The following SPOCK3 variants were observed in gnomAD, a reference collection of about 807,000 sequenced individuals.
SPOCK3 encodes testican-3.
In SPOCK3, 30 loss-of-function variants were observed where a neutral mutation model predicts 56.6. The observed-to-expected ratio is 0.53, with a 90% CI of 0.40 to 0.72. SPOCK3 has a LOEUF of 0.72. SPOCK3 is among the 30% of genes least tolerant of loss of function. The pLI, the probability that SPOCK3 is intolerant of heterozygous loss-of-function variation, is 0.00. For synonymous variants in SPOCK3, 196 were observed against 183.3 expected, an observed-to-expected ratio of 1.07 and a Z score of -0.56; for missense variants, 527 against 530.0, an observed-to-expected ratio of 0.99 and a Z score of 0.06.
intron 4 of SPOCK3, among the ~76,000 whole-genome samples, chr4:166,986,636 C>A (rs1168847390): frequency 6.6e-6 from 1 of 151,952 alleles, no homozygotes; most frequent in African/African-American, 2.4e-5. Flanking sequence ...GTGATCACTA[C>A]CACCAAGTGA....
rs553885765 is a variant in SPOCK3, at chr4:166,748,117, T to C, written c.932-6058A>G. On this transcript the variant is annotated intron_variant, in intron 8 of 10. Transcript: ENST00000357545. ...TTCAAGCTACCAATGACTTTCTTCA[T>C]AGAATTGGAAAAAACTACTTTAAAG... Among the ~76,000 whole-genome samples the C allele has an allele frequency of 6.7e-5, 10 of 150,340 alleles. No individual in the cohort carries two copies. In the South Asian group the frequency reaches 1.5e-3, roughly 22 times the overall value.
intron 4 of SPOCK3, among the ~76,000 whole-genome samples, chr4:166,952,740 A>C (rs551402859): frequency 3.3e-5 from 5 of 152,330 alleles, no homozygotes; most frequent in Admixed American, 2.6e-4. Context: ...ACAGAGATAT[A>C]GATTAATGGA....
At chr4:167,227,771 T>C (rs970754769) in intron 2 of SPOCK3, among the ~76,000 whole-genome samples, 1 of 152,046 alleles carries the variant, frequency 6.6e-6, no homozygotes, top group Non-Finnish European at 1.5e-5. Flanking sequence ...TCATGAAAAC[T>C]AAAGTTGTGT....
At chr4:167,170,001 A>AT (rs1306826925) in intron 2 of SPOCK3, among the ~76,000 whole-genome samples, 3 of 152,164 alleles carry the variant, frequency 2.0e-5, no homozygotes, top group African/African-American at 7.2e-5. Context: ...CTCTTCAGCC[A>AT]TGTGGGACTG....
chr4:166,776,148 C>T (rs1021858611), intron 7 of SPOCK3, among the ~76,000 whole-genome samples: 4 of 152,102 alleles, frequency 2.6e-5, no homozygotes, highest in Non-Finnish European at 5.9e-5. Context: ...GGCACGGTGG[C>T]TCATGACTGT....
intron 6 of SPOCK3, among the ~76,000 whole-genome samples, chr4:166,871,827 C>A (rs1732513842): frequency 6.7e-6 from 1 of 149,326 alleles, no homozygotes; most frequent in Admixed American, 6.7e-5. Context: ...ATATATAAAA[C>A]AATATAAAAA....
chr4:167,095,986 T>C (rs1759114362), intron 2 of SPOCK3, among the ~76,000 whole-genome samples: 1 of 151,960 alleles, frequency 6.6e-6, no homozygotes, highest in Middle Eastern at 3.4e-3. Flanking sequence ...AAGAATTTGA[T>C]TCTAAAGAAA....
intron 2 of SPOCK3, among the ~76,000 whole-genome samples, chr4:167,222,015 T>C (rs567587097): frequency 1.4e-4 from 21 of 152,310 alleles, no homozygotes; most frequent in Non-Finnish European, 2.9e-4. Context: ...CCTATGTTCA[T>C]AGCAGCATTA....
chr4:166,916,485 T>C (rs1242269102), intron 4 of SPOCK3, among the ~76,000 whole-genome samples: 1 of 152,188 alleles, frequency 6.6e-6, no homozygotes, highest in Non-Finnish European at 1.5e-5. Flanking sequence ...ATAACTATAA[T>C]GTTAATTGCT....
chr4:166,937,826 C>T (rs1321366461), intron 4 of SPOCK3, among the ~76,000 whole-genome samples: 5 of 146,790 alleles, frequency 3.4e-5, no homozygotes, highest in East Asian at 2.0e-4. Context: ...TGCAGTGGGG[C>T]GATCTCGGCT....
At chr4:167,104,372 T>C (rs1490394434) in intron 2 of SPOCK3, among the ~76,000 whole-genome samples, 2 of 152,110 alleles carry the variant, frequency 1.3e-5, no homozygotes, top group Admixed American at 1.3e-4. Flanking sequence ...ATCAGGTACA[T>C]TTAATGAAGA....
intron 4 of SPOCK3, among the ~76,000 whole-genome samples, chr4:166,952,112 G>T (rs1742720928): frequency 6.6e-6 from 1 of 152,114 alleles, no homozygotes; most frequent in Admixed American, 6.6e-5. Context: ...GAAATAAAGG[G>T]TATTCAATTA....
chr4:167,157,154 A>T (rs1056883028), intron 2 of SPOCK3, among the ~76,000 whole-genome samples: 14 of 152,032 alleles, frequency 9.2e-5, no homozygotes, highest in Non-Finnish European at 2.9e-5. Flanking sequence ...ATTATGAATT[A>T]AAAAAATAGT....
intron 9 of SPOCK3, 143 bp downstream of exon 9, chr4:166,741,854 T>C (rs1734874885): frequency 1.6e-6 from 1 of 629,066 alleles, no homozygotes; most frequent in Non-Finnish European, 2.8e-6. Flanking sequence ...GTAAGTTTAA[T>C]GGCTTTCAAA....
At chr4:167,114,847 G>A (rs1761196515) in intron 2 of SPOCK3, among the ~76,000 whole-genome samples, 1 of 151,888 alleles carries the variant, frequency 6.6e-6, no homozygotes, top group African/African-American at 2.4e-5. Flanking sequence ...CTCATTCAGA[G>A]TTGCTACAGT....
chr4:167,022,397 A>T (rs1226420533), intron 3 of SPOCK3, among the ~76,000 whole-genome samples: 1 of 152,018 alleles, frequency 6.6e-6, no homozygotes, highest in Non-Finnish European at 1.5e-5. Flanking sequence ...GCCCATTATA[A>T]ACTGGGTGAT....
At chr4:166,877,764 T>A (rs1300508065) in intron 6 of SPOCK3, among the ~76,000 whole-genome samples, 4 of 152,170 alleles carry the variant, frequency 2.6e-5, no homozygotes, top group Non-Finnish European at 5.9e-5. Context: ...TAGTAACAAC[T>A]TCATTACAAG....
chr4:167,223,260 G>A (rs985955029), intron 2 of SPOCK3, among the ~76,000 whole-genome samples: 1 of 138,818 alleles, frequency 7.2e-6, no homozygotes, highest in South Asian at 2.2e-4. Flanking sequence ...ATAAATATAT[G>A]TATATATTCA....
chr4:167,056,954 C>T (rs1056671898), intron 3 of SPOCK3, among the ~76,000 whole-genome samples: 5 of 151,972 alleles, frequency 3.3e-5, no homozygotes, highest in East Asian at 1.9e-4. Context: ...AGATACTCCT[C>T]GAGAAGAGCA....
Sources: allele counts gnomAD v4.1 joint callset (sites outside exome capture counted in the v4.1 genomes callset), GRCh38; gene constraint gnomAD v4.1.1; transcripts MANE v1.5; gene names NCBI Gene and HGNC (gene_info 2026-07-23, HGNC 2026-07-21).